UGT2B7: variants seen among roughly 807,000 people sequenced by gnomAD.
UGT2B7 encodes UDP glucuronosyltransferase family 2 member B7, also known as UDP-glucuronosyltransferase 2B7.
Under a neutral mutation model 51.9 loss-of-function variants are expected in UGT2B7, and 51 were observed. The observed-to-expected ratio is 0.98, with a 90% CI of 0.78 to 1.24. UGT2B7 has a LOEUF of 1.24. UGT2B7 is among the 50% of genes most tolerant of loss of function. UGT2B7 has a pLI of 0.00. For synonymous variants in UGT2B7, 225 were observed against 211.6 expected (o/e 1.06, Z -0.55); for missense variants, 727 against 628.4 (o/e 1.16, Z -1.68).
intron 1 of UGT2B7, among the ~76,000 whole-genome samples, chr4:69,057,034 A>G (rs1294046292): frequency 1.3e-5 from 2 of 152,354 alleles, no homozygotes; most frequent in East Asian, 3.9e-4. Flanking sequence ...ATGACTTAGA[A>G]ACTGATGTTA....
chr4:69,103,844 T>C (rs1456363518), intron 3 of UGT2B7, among the ~76,000 whole-genome samples: 2 of 152,302 alleles, frequency 1.3e-5, no homozygotes, highest in East Asian at 3.9e-4. Flanking sequence ...AAATGGAGAA[T>C]ATTGGCTCTG....
At chr4:69,085,965 T>G (rs1373323473) in intron 1 of UGT2B7, among the ~76,000 whole-genome samples, 1 of 151,690 alleles carries the variant, frequency 6.6e-6, no homozygotes, top group Non-Finnish European at 1.5e-5. Context: ...AATAAACCGT[T>G]TTGTCTTGTT....
intron 5 of UGT2B7, among the ~76,000 whole-genome samples, chr4:69,112,114 CT>C (rs1719789755): frequency 6.6e-6 from 1 of 152,212 alleles, no homozygotes. Flanking sequence ...AGATCGACCC[CT>C]GACCTAACCA....
chr4:69,065,570 T>A (rs1313315207), intron 1 of UGT2B7, among the ~76,000 whole-genome samples: 1 of 152,198 alleles, frequency 6.6e-6, no homozygotes, highest in Non-Finnish European at 1.5e-5. Context: ...GTGAAAAATA[T>A]CACTTAAAAT....
At chr4:69,058,545 T>C (rs894882997) in intron 1 of UGT2B7, among the ~76,000 whole-genome samples, 4 of 152,020 alleles carry the variant, frequency 2.6e-5, no homozygotes, top group African/African-American at 4.8e-5. Context: ...AGGCAATCAA[T>C]ATAGGGAAAA....
intron 5 of UGT2B7, among the ~76,000 whole-genome samples, chr4:69,109,409 AC>A (rs2109895074): frequency 1.3e-5 from 2 of 152,108 alleles, no homozygotes; most frequent in East Asian, 3.9e-4. Flanking sequence ...TTATTCCCTG[AC>A]TTTTTGTTAC....
chr4:69,108,028 T>C, intron 4 of UGT2B7, 75 bp from the exon 5 acceptor site: 1 of 1,541,248 alleles, frequency 6.5e-7, no homozygotes, highest in South Asian at 1.2e-5. Flanking sequence ...GAAAACACTG[T>C]CACTTTCAGA....
At position 69,108,088 on chromosome 4, in the gene UGT2B7, T is replaced by C. The variant is rs373107309; in HGVS notation, c.1091-15T>C. 6.2e-7 allele frequency: 1 copy of C among 1,612,554 alleles called. No individual in the cohort carries two copies. Among genetic ancestry groups the C allele is most frequent in the African/African-American group, 1.3e-5 (1 of 74,804 alleles). ...ATTCCTATGAGTAATTTTGCTAAAA[T>C]TCATCCAATCCTAGGTCATCCAAAG... On this transcript the variant is annotated splice_polypyrimidine_tract_variant and intron_variant, in intron 4 of 5. Coordinates refer to ENST00000305231, the MANE Select transcript of UGT2B7 (RefSeq NM_001074.4).
intron 1 of UGT2B7, among the ~76,000 whole-genome samples, chr4:69,069,208 C>A (rs1472944668): frequency 6.6e-6 from 1 of 151,904 alleles, no homozygotes; most frequent in Non-Finnish European, 1.5e-5. Context: ...TTAATACCAA[C>A]TCTTGGTCAG....
At chr4:69,111,740 T>G (rs112830429) in intron 5 of UGT2B7, among the ~76,000 whole-genome samples, 1 of 152,292 alleles carries the variant, frequency 6.6e-6, no homozygotes, top group African/African-American at 2.4e-5. Context: ...AAAAATGCCT[T>G]ATATTTTCTC....
intron 1 of UGT2B7, among the ~76,000 whole-genome samples, chr4:69,077,085 G>T (rs1577913127): frequency 6.6e-6 from 1 of 152,014 alleles, no homozygotes; most frequent in Admixed American, 6.6e-5. Flanking sequence ...AAGATCAGGT[G>T]GTTGTATATG....
upstream of UGT2B7, among the ~76,000 whole-genome samples, chr4:69,094,573 G>A (rs939096792): frequency 6.6e-6 from 1 of 152,310 alleles, no homozygotes; most frequent in East Asian, 1.9e-4. Context: ...AAGTGCTAAT[G>A]ATCATCTGAG....
intron 5 of UGT2B7, among the ~76,000 whole-genome samples, chr4:69,108,546 A>C (rs1484642270): frequency 6.6e-6 from 1 of 152,176 alleles, no homozygotes; most frequent in Non-Finnish European, 1.5e-5. Flanking sequence ...CTACACAAAA[A>C]TAATTTTAAA....
Position 69,097,034 on chromosome 4 carries a change from C to G in UGT2B7, c.514C>G (p.Leu172Val). The G allele has an allele frequency of 1.9e-6, 3 of 1,613,840 alleles. No homozygotes were observed. Among genetic ancestry groups the G allele is most frequent in the Non-Finnish European group, 2.5e-6 (3 of 1,179,792 alleles). The change falls in exon 1 of 6, where the codon CTC (leucine) becomes GTC (valine). Residue 172 changes from leucine to valine, a missense_variant. Transcript: ENST00000305231. ...ATTTAACATACCCTTTGTGTACAGTCTCAGCTTCTCTCCTGGCTACACTTT... is the reference window on the plus strand; with the variant it reads ...ATTTAACATACCCTTTGTGTACAGTGTCAGCTTCTCTCCTGGCTACACTTT... Reference protein sequence around the residue: ...ELFNIPFVYSLSFSPGYTFEK... With the variant: ...ELFNIPFVYSVSFSPGYTFEK...
intron 1 of UGT2B7, among the ~76,000 whole-genome samples, chr4:69,098,299 G>A (rs1184368741): frequency 1.3e-5 from 2 of 151,866 alleles, no homozygotes; most frequent in Non-Finnish European, 2.9e-5. Flanking sequence ...ATACTGATGC[G>A]ACATTAGAGA....
intron 5 of UGT2B7, among the ~76,000 whole-genome samples, chr4:69,112,187 T>C (rs1719791693): frequency 6.6e-6 from 1 of 152,174 alleles, no homozygotes; most frequent in African/African-American, 2.4e-5. Flanking sequence ...CCCTGTCCTG[T>C]TCTGTTCCAT....
intron 2 of UGT2B7, among the ~76,000 whole-genome samples, chr4:69,090,615 C>A (rs1446846913): frequency 6.6e-6 from 1 of 152,010 alleles, no homozygotes; most frequent in African/African-American, 2.4e-5. Context: ...AAGACTCATC[C>A]CCATGATTCA....
intron 1 of UGT2B7, among the ~76,000 whole-genome samples, chr4:69,067,184 A>T (rs1386116668): frequency 6.6e-6 from 1 of 152,128 alleles, no homozygotes; most frequent in Non-Finnish European, 1.5e-5. Flanking sequence ...TCAAGTCTCA[A>T]GACACATACC....
chr4:69,080,349 A>G (rs1287751171), intron 1 of UGT2B7, among the ~76,000 whole-genome samples: 1 of 152,050 alleles, frequency 6.6e-6, no homozygotes, highest in Non-Finnish European at 1.5e-5. Flanking sequence ...GGAGTTTGAG[A>G]CCAGACTGGA....
Sources: gnomAD v4.1 joint callset for allele counts (sites outside exome capture counted in the v4.1 genomes callset) on GRCh38, gnomAD v4.1.1 for gene constraint, MANE v1.5 for transcripts, NCBI Gene and HGNC (gene_info 2026-07-23, HGNC 2026-07-21) for gene names.